TECRL: variants seen among roughly 807,000 people sequenced by gnomAD.
TECRL encodes the protein trans-2,3-enoyl-CoA reductase like, also known as trans-2,3-enoyl-CoA reductase-like.
TECRL carries 63 observed loss-of-function variants against 52.8 expected under a neutral mutation model. The observed-to-expected ratio is 1.19, with a 90% CI of 0.97 to 1.47. The LOEUF is 1.47. Ranked by LOEUF, TECRL falls within the 40% of genes most tolerant of loss-of-function variation. The pLI is 0.00. For synonymous variants in TECRL, 164 were observed against 141.9 expected, an observed-to-expected ratio of 1.16 and a Z score of -1.10; for missense variants, 482 against 429.6, an observed-to-expected ratio of 1.12 and a Z score of -1.08.
chr4:64,381,874 C>T (rs1722816797), intron 1 of TECRL, among the ~76,000 whole-genome samples: 1 of 151,706 alleles, frequency 6.6e-6, no homozygotes, highest in Non-Finnish European at 1.5e-5. Context: ...TGTGTGTGTG[C>T]ACGCAAGTGC....
intron 6 of TECRL, among the ~76,000 whole-genome samples, chr4:64,307,740 C>T (rs530214843): frequency 6.6e-6 from 1 of 152,120 alleles, no homozygotes; most frequent in Non-Finnish European, 1.5e-5. Flanking sequence ...ATAAAGTGTT[C>T]TAAAAGGATG....
intron 2 of TECRL, among the ~76,000 whole-genome samples, chr4:64,361,042 C>T (rs1247335041): frequency 6.8e-6 from 1 of 147,694 alleles, no homozygotes; most frequent in African/African-American, 2.5e-5. Flanking sequence ...TGGCCTTCCC[C>T]ATGTGACAGG....
chr4:64,308,711 C>T (rs2109995413), intron 6 of TECRL, among the ~76,000 whole-genome samples: 1 of 152,242 alleles, frequency 6.6e-6, no homozygotes, highest in South Asian at 2.1e-4. Flanking sequence ...TCAGACCTCA[C>T]TAAACTAAGG....
intron 1 of TECRL, among the ~76,000 whole-genome samples, chr4:64,397,386 A>G (rs1018410398): frequency 6.6e-6 from 1 of 151,996 alleles, no homozygotes; most frequent in East Asian, 1.9e-4. Context: ...AAGTTTTGAT[A>G]CATACATGGT....
rs769091912 is a variant in TECRL, at chr4:64,328,495, T to C, written c.331+17A>G. On this transcript the variant is annotated intron_variant, in intron 3 of 11. Coordinates refer to ENST00000381210, the MANE Select transcript of TECRL (RefSeq NM_001010874.5). Reference sequence around the variant, plus strand: ...ATTATAAATTAAATAAACACATCAGTGAAAAATGCTTCTTACCACATTCTA... The same window carrying C: ...ATTATAAATTAAATAAACACATCAGCGAAAAATGCTTCTTACCACATTCTA... 6.2e-7 allele frequency: 1 copy of C among 1,607,168 alleles called. No homozygotes were observed. The highest frequency in any genetic ancestry group is 1.7e-5 in the Admixed American group (1 of 59,610).
chr4:64,389,952 CAGA>C (rs1421988426), intron 1 of TECRL, among the ~76,000 whole-genome samples: 1 of 151,830 alleles, frequency 6.6e-6, no homozygotes, highest in East Asian at 1.9e-4. Context: ...GGAATATGAA[CAGA>C]AGAAGTATGT....
At chr4:64,303,619 T>C (rs1289480749) in intron 7 of TECRL, among the ~76,000 whole-genome samples, 1 of 151,826 alleles carries the variant, frequency 6.6e-6, no homozygotes, top group Non-Finnish European at 1.5e-5. Context: ...AACAGTATAA[T>C]TTTCATGAGG....
chr4:64,344,533 C>G (rs1424683504), intron 2 of TECRL, among the ~76,000 whole-genome samples: 2 of 152,142 alleles, frequency 1.3e-5, no homozygotes, highest in Non-Finnish European at 2.9e-5. Context: ...AGACTTTACA[C>G]TTGCTTACTA....
At chr4:64,381,692 A>G (rs1722807348) in intron 1 of TECRL, among the ~76,000 whole-genome samples, 1 of 152,126 alleles carries the variant, frequency 6.6e-6, no homozygotes, top group African/African-American at 2.4e-5. Flanking sequence ...GATATATCAT[A>G]TTTATTGATT....
chr4:64,362,244 G>C (rs544687464), intron 2 of TECRL, among the ~76,000 whole-genome samples: 1 of 152,050 alleles, frequency 6.6e-6, no homozygotes, highest in Non-Finnish European at 1.5e-5. Context: ...CCCTGAAAGA[G>C]ATGAAGTGAT....
intron 3 of TECRL, among the ~76,000 whole-genome samples, chr4:64,326,135 G>C (rs995917291): frequency 2.0e-5 from 3 of 151,982 alleles, no homozygotes; most frequent in African/African-American, 7.2e-5. Flanking sequence ...CTGGAACTGG[G>C]GTACACAACA....
intron 2 of TECRL, among the ~76,000 whole-genome samples, chr4:64,357,204 G>A (rs998741891): frequency 6.6e-6 from 1 of 151,862 alleles, no homozygotes; most frequent in Non-Finnish European, 1.5e-5. Context: ...CACATTTCAA[G>A]ATGTGAAAAA....
intron 9 of TECRL, among the ~76,000 whole-genome samples, chr4:64,282,538 G>A (rs1251047669): frequency 6.6e-6 from 1 of 151,838 alleles, no homozygotes; most frequent in Non-Finnish European, 1.5e-5. Context: ...CATTTTTGTA[G>A]ACACCTTTGT....
At chr4:64,276,720 G>C (rs923901519), downstream of TECRL, 1 of 192,530 alleles carries the variant, frequency 5.2e-6, no homozygotes, top group African/African-American at 2.3e-5. Flanking sequence ...CCATGAATAT[G>C]TGAGATTATA....
At chr4:64,310,599 A>G (rs1236401195) in intron 5 of TECRL, among the ~76,000 whole-genome samples, 2 of 152,166 alleles carry the variant, frequency 1.3e-5, no homozygotes, top group Admixed American at 1.3e-4. Flanking sequence ...ATTTTTCTGG[A>G]TATACTATAA....
chr4:64,397,999 CCAAA>C (rs1376328332), intron 1 of TECRL, among the ~76,000 whole-genome samples: 3 of 148,952 alleles, frequency 2.0e-5, no homozygotes, highest in South Asian at 2.2e-4. Context: ...TGCTTATTCC[CCAAA>C]CACTGTTTAT....
intron 2 of TECRL, among the ~76,000 whole-genome samples, chr4:64,339,517 A>T (rs1040630246): frequency 6.6e-6 from 1 of 151,898 alleles, no homozygotes; most frequent in Non-Finnish European, 1.5e-5. Context: ...AGACTTTACT[A>T]TCTAATATTA....
chr4:64,345,703 T>TA (rs200027448), intron 2 of TECRL, among the ~76,000 whole-genome samples: 6 of 149,048 alleles, frequency 4.0e-5, no homozygotes, highest in African/African-American at 9.9e-5. Context: ...AGTATAATAA[T>TA]AAAAAAAAAG....
intron 1 of TECRL, among the ~76,000 whole-genome samples, chr4:64,393,943 C>A (rs1723733270): frequency 6.6e-6 from 1 of 151,846 alleles, no homozygotes; most frequent in African/African-American, 2.4e-5. Flanking sequence ...GTGTATATGT[C>A]TAAATATATG....
Sources: gnomAD v4.1 joint callset for allele counts (sites outside exome capture counted in the v4.1 genomes callset) on GRCh38, gnomAD v4.1.1 for gene constraint, MANE v1.5 for transcripts, NCBI Gene and HGNC (gene_info 2026-07-23, HGNC 2026-07-21) for gene names.